The following LPAR5 variants were observed in gnomAD, a reference collection of about 807,000 sequenced individuals.
LPAR5 encodes the protein lysophosphatidic acid receptor 5.
For synonymous variants in LPAR5, 271 were observed against 261.6 expected, an observed-to-expected ratio of 1.04 and a Z score of -0.35; for missense variants, 544 against 521.8, an observed-to-expected ratio of 1.04 and a Z score of -0.41.
chr12:6,620,927 T>C lies in LPAR5; in HGVS notation c.322A>G (p.Ser108Gly). The C allele has an allele frequency of 6.2e-7, 1 of 1,606,800 alleles. No homozygotes were observed. Among genetic ancestry groups the C allele is most frequent in the Non-Finnish European group, 8.5e-7 (1 of 1,176,864 alleles). Residue 108 changes from serine (S) to glycine (G), a missense_variant, in exon 2 of 2, where the codon AGC becomes GGC. Ser to Gly is a moderately conservative substitution (Grantham distance 56). Transcript: ENST00000329858. The surrounding 1 kb of genome is among the most constrained non-coding windows in gnomAD (Gnocchi z 6.8). Reference sequence around the variant, plus strand: ...TTGATGAGCATCAGGAAGATGCAGCTGCCGTACATGTTCATCTGGAAGATG... The same window carrying C: ...TTGATGAGCATCAGGAAGATGCAGCCGCCGTACATGTTCATCTGGAAGATG... ...GAIFQMNMYG[S>G]CIFLMLINVD...
At chr12:6,623,399 T>TG (rs796803817) in intron 1 of LPAR5, among the ~76,000 whole-genome samples, 2 of 152,146 alleles carry the variant, frequency 1.3e-5, no homozygotes, top group African/African-American at 4.8e-5. Context: ...CCGGGTATGG[T>TG]GGCGTGCACT....
At chr12:6,624,102 C>T (rs1328069678) in intron 1 of LPAR5, among the ~76,000 whole-genome samples, 2 of 152,194 alleles carry the variant, frequency 1.3e-5, no homozygotes, top group East Asian at 1.9e-4. Context: ...TTCTCAGTTT[C>T]TTCATCTGTA....
rs116264317 is a variant in LPAR5 at position 6,621,268 on chromosome 12, G to C, written c.-20C>G. The C allele has an allele frequency of 9.9e-4, 1,480 of 1,491,570 alleles. 15 individuals are homozygous for C. In the African/African-American group the frequency reaches 0.019, roughly 19 times the overall value. The allele number at this position is 1,491,570 out of a possible 1,614,324, so 92.4% of individuals were successfully genotyped here. On this transcript the variant is annotated 5_prime_UTR_variant, in exon 2 of 2. Transcript: ENST00000329858. The stretch of plus-strand genomic sequence containing the variant: ...TAACATCGTGCCAAAGTGGGATTGG[G>C]AGCTAGGCTGGGGATGCCATGGAGC...
chr12:6,628,459 C>T (rs1281221837), intron 1 of LPAR5, among the ~76,000 whole-genome samples: 1 of 151,488 alleles, frequency 6.6e-6, no homozygotes, highest in African/African-American at 2.4e-5. Context: ...TCCTTCCTTC[C>T]TTCCTTTTCT....
At chr12:6,633,412 GT>G (rs1288830758) in intron 1 of LPAR5, among the ~76,000 whole-genome samples, 2,966 of 145,654 alleles carry the variant, frequency 0.02, 75 homozygotes, top group Admixed American at 0.069. Flanking sequence ...CCTGGGTTTT[GT>G]TTTTTTTTTT....
In LPAR5 at chr12:6,620,250, T is replaced by C. The variant is rs777128198; in HGVS notation, c.999A>G (p.Glu333=). 3.7e-6 allele frequency: 6 copies of C among 1,609,814 alleles called. No individual in the cohort carries two copies. The highest frequency in any genetic ancestry group is 5.1e-6 in the Non-Finnish European group (6 of 1,178,190). Residue 333 remains glutamate, a synonymous_variant, in exon 2 of 2, where the codon GAA becomes GAG. Coordinates refer to ENST00000329858, the MANE Select transcript of LPAR5 (RefSeq NM_020400.6). This position sits in a 1 kb window ranked among gnomAD's most constrained non-coding sequence, Gnocchi z 6.8. ...TGGCGTCGGTGGTGACGGCGGACCT[T>C]TCGGATTGCGCGAGCGCCGCCCGCG... ...NGTRAALAQS[E]RSAVTTDATR... is the part of the protein sequence containing the mutation.
chr12:6,620,730 G>A lies in LPAR5; in HGVS notation c.519C>T (p.Arg173=). ...CGTCGCTGAAGCTCTCGAAGCATAGGCGCACCTCGAGGTCCCGGTAGCGGC... is the reference window on the plus strand; with the variant it reads ...CGTCGCTGAAGCTCTCGAAGCATAGACGCACCTCGAGGTCCCGGTAGCGGC... ...SRCRYRDLEV[R]LCFESFSDEL... The change falls in exon 2 of 2, where the codon CGC becomes CGT. Residue 173 remains arginine, a synonymous_variant. Transcript: ENST00000329858. The surrounding 1 kb of genome is among the most constrained non-coding windows in gnomAD (Gnocchi z 6.8). 1 of 1,587,902 alleles carries A rather than the reference G, an allele frequency of 6.3e-7. No individual in the cohort carries two copies. The highest frequency in any genetic ancestry group is 8.6e-7 in the Non-Finnish European group (1 of 1,167,258).
At chr12:6,626,815 G>A (rs1212359963) in intron 1 of LPAR5, among the ~76,000 whole-genome samples, 4 of 152,146 alleles carry the variant, frequency 2.6e-5, no homozygotes, top group Non-Finnish European at 5.9e-5. Context: ...AACACAAGGC[G>A]GATGTGGTAC....
In LPAR5 at chr12:6,619,925, G is replaced by C; in HGVS notation, c.*205C>G. The stretch of plus-strand genomic sequence containing the variant: ...CCGCTGGAGAAGGGGTGCTCTGCGT[G>C]CTCACAGTTTAAAGAAGCCATTTCC... On this transcript the variant is annotated 3_prime_UTR_variant, in exon 2 of 2. Coordinates refer to ENST00000329858, the MANE Select transcript of LPAR5 (RefSeq NM_020400.6). 1.3e-6 allele frequency: 1 copy of C among 754,604 alleles called. No homozygotes were observed. The highest frequency in any genetic ancestry group is 2.7e-5 in the East Asian group (1 of 37,306). 46.7% of individuals were successfully genotyped at this position (754,604 alleles called of 1,614,324 possible). A position where few individuals can be genotyped will look rare whatever the true frequency, so the allele number is the denominator to read the frequency against.
In LPAR5 at chr12:6,620,296, C is replaced by T; in HGVS notation, c.953G>A (p.Arg318Lys). 1.2e-6 allele frequency: 2 copies of T among 1,606,384 alleles called. No homozygotes were observed. Among genetic ancestry groups the T allele is most frequent in the South Asian group, 1.1e-5 (1 of 90,494 alleles). The change falls in exon 2 of 2, where the codon AGG becomes AAG. Residue 318 changes from arginine to lysine, a missense_variant. Transcript: ENST00000329858. The surrounding 1 kb of genome is among the most constrained non-coding windows in gnomAD (Gnocchi z 6.8). ...CCGCGTCCCGTTGGTGGCCGAGGTC[C>T]TGGCCCGGTGCGGAGTGCCCAGGCC... ...LRGLGTPHRA[R>K]TSATNGTRAA... is the part of the protein sequence containing the mutation.
chr12:6,619,684 G>A lies in LPAR5; in HGVS notation c.*446C>T, dbSNP rs1948869864. On this transcript the variant is annotated 3_prime_UTR_variant, in exon 2 of 2. Coordinates refer to ENST00000329858, the MANE Select transcript of LPAR5 (RefSeq NM_020400.6). ...AAATGAAAGGGGGTGGCATCCATGA[G>A]CCTAGACAGAAGTCAGCAGATGAAC... 2.9e-6 allele frequency: 1 copy of A among 348,398 alleles called. No individual in the cohort carries two copies. The highest frequency in any genetic ancestry group is 3.8e-5 in the Admixed American group (1 of 26,248). The allele number at this position is 348,398 out of a possible 1,614,324, so 21.6% of individuals were successfully genotyped here. A position where few individuals can be genotyped will look rare whatever the true frequency, so the allele number is the denominator to read the frequency against.
At chr12:6,623,475 A>G (rs1348822687) in intron 1 of LPAR5, among the ~76,000 whole-genome samples, 1 of 152,092 alleles carries the variant, frequency 6.6e-6, no homozygotes. Flanking sequence ...CAGAGGTTGC[A>G]ATGAGTCGAG....
intron 1 of LPAR5, among the ~76,000 whole-genome samples, chr12:6,633,238 C>G (rs1312273607): frequency 1.3e-5 from 2 of 152,152 alleles, no homozygotes; most frequent in African/African-American, 4.8e-5. Context: ...GGCCCAGCCC[C>G]CTGACCTGTG....
chr12:6,628,627 A>C (rs1948961008), intron 1 of LPAR5, among the ~76,000 whole-genome samples: 1 of 143,564 alleles, frequency 7.0e-6, no homozygotes, highest in African/African-American at 2.6e-5. Context: ...CGCCCAGCTA[A>C]TTTCTTTTTT....
chr12:6,622,451 T>A (rs759079218), intron 1 of LPAR5, among the ~76,000 whole-genome samples: 124 of 146,478 alleles, frequency 8.5e-4, no homozygotes, highest in Non-Finnish European at 1.4e-3. Context: ...TAAAATAAAA[T>A]AAAAAATAAA....
Position 6,619,293 on chromosome 12 carries a change from A to G in LPAR5, c.*837T>C, listed in dbSNP as rs377171928. 1 of 152,130 alleles carries G rather than the reference A, an allele frequency of 6.6e-6. No individual in the cohort carries two copies. Among genetic ancestry groups the G allele is most frequent in the African/African-American group, 2.4e-5 (1 of 41,416 alleles). The allele number at this position is 152,130 out of a possible 1,614,324, so 9.4% of individuals were successfully genotyped here. On this transcript the variant is annotated 3_prime_UTR_variant, in exon 2 of 2. Coordinates refer to ENST00000329858, the MANE Select transcript of LPAR5 (RefSeq NM_020400.6). The stretch of plus-strand genomic sequence containing the variant: ...AAAGTTTGAGAACCAGTGCTTTAGT[A>G]GAAAGAATTTTATCCTTACTCTGGA...
At chr12:6,632,889 C>T (rs559562469) in intron 1 of LPAR5, among the ~76,000 whole-genome samples, 53 of 152,244 alleles carry the variant, frequency 3.5e-4, no homozygotes, top group African/African-American at 1.2e-3. Flanking sequence ...GCACGGATCC[C>T]GGGTGTCAGG....
intron 1 of LPAR5, among the ~76,000 whole-genome samples, chr12:6,629,745 G>T (rs1348597114): frequency 6.6e-6 from 1 of 150,594 alleles, no homozygotes. Context: ...GTAAAGTTAG[G>T]CGAAGTGATG....
At chr12:6,633,993 G>C (rs1245039259) in intron 1 of LPAR5, among the ~76,000 whole-genome samples, 1 of 151,156 alleles carries the variant, frequency 6.6e-6, no homozygotes, top group East Asian at 2.0e-4. Flanking sequence ...AGCATAGTGG[G>C]ACCCCATCTC....
Sources: allele counts gnomAD v4.1 joint callset (sites outside exome capture counted in the v4.1 genomes callset), GRCh38; gene constraint gnomAD v4.1.1; non-coding constraint Gnocchi (gnomAD v3.1); transcripts MANE v1.5; gene names NCBI Gene and HGNC (gene_info 2026-07-23, HGNC 2026-07-21).